Variants in CADM2 observed in about 807,000 individuals in gnomAD.
CADM2 encodes the protein cell adhesion molecule 2.
A neutral mutation model predicts 49.8 loss-of-function variants in CADM2; 12 were observed. The ratio of observed to expected loss-of-function variants is 0.24; its 90% CI spans 0.15 to 0.39. The LOEUF (loss-of-function observed/expected upper bound fraction) is 0.39. CADM2 is among the 10% of genes least tolerant of loss of function. The pLI, the probability that CADM2 is intolerant of heterozygous loss-of-function variation, is 1.00. For missense variants in CADM2, 378 were observed against 492.3 expected, an observed-to-expected ratio of 0.77 and a Z score of 2.20; for synonymous variants, 214 against 175.4, an observed-to-expected ratio of 1.22 and a Z score of -1.74.
At chr3:85,966,059 G>A (rs909723613) in intron 8 of CADM2, among the ~76,000 whole-genome samples, 28 of 151,616 alleles carry the variant, frequency 1.8e-4, no homozygotes, top group African/African-American at 6.8e-4. Flanking sequence ...AAACTCATTA[G>A]AGAAATTAAT....
At chr3:85,733,178 T>G (rs2068004692) in intron 2 of CADM2, among the ~76,000 whole-genome samples, 1 of 152,150 alleles carries the variant, frequency 6.6e-6, no homozygotes, top group African/African-American at 2.4e-5. Flanking sequence ...TATTCCCTCT[T>G]GGGAAAGTGA....
At chr3:85,856,832 C>G (rs1019771651) in intron 3 of CADM2, among the ~76,000 whole-genome samples, 6 of 92,578 alleles carry the variant, frequency 6.5e-5, no homozygotes, top group African/African-American at 2.2e-4. Context: ...AGAGTCACTG[C>G]TTAGGAAATT....
intron 8 of CADM2, among the ~76,000 whole-genome samples, chr3:86,028,452 TA>T (rs1048698429): frequency 3.3e-5 from 5 of 152,052 alleles, no homozygotes; most frequent in Non-Finnish European, 7.4e-5. Context: ...CCAAGAACCA[TA>T]AAAAAAGTGT....
chr3:85,543,114 T>C (rs2061581676), intron 1 of CADM2, among the ~76,000 whole-genome samples: 1 of 152,196 alleles, frequency 6.6e-6, no homozygotes, highest in African/African-American at 2.4e-5. Flanking sequence ...ATTCATTCTT[T>C]TGAAAGGCAG....
Position 85,346,727 on chromosome 3 carries a change from C to T in CADM2, c.62-379795C>T, listed in dbSNP as rs533107979. 5.9e-5 allele frequency among the ~76,000 whole-genome samples: 9 copies of T among 152,112 alleles called. No individual in the cohort carries two copies. In the South Asian group the frequency reaches 8.3e-4, roughly 14 times the overall value. The stretch of plus-strand genomic sequence containing the variant: ...AACTTTAAAAATATACATAAAAATA[C>T]GAAATGTAATTTGTTTTTCTAACCT... On this transcript the variant is annotated intron_variant, in intron 1 of 9. Coordinates refer to ENST00000383699, the MANE Select transcript of CADM2 (RefSeq NM_001167675.2).
intron 1 of CADM2, among the ~76,000 whole-genome samples, chr3:85,094,681 C>T (rs72905213): frequency 0.026 from 3,904 of 152,170 alleles, 152 homozygotes; most frequent in African/African-American, 0.087. Flanking sequence ...CATTATGAAA[C>T]GCATGTTTTG....
chr3:86,009,552 A>T (rs921654628), intron 8 of CADM2, among the ~76,000 whole-genome samples: 2 of 151,854 alleles, frequency 1.3e-5, no homozygotes, highest in African/African-American at 4.8e-5. Context: ...GTTATATAAC[A>T]TATTTTGTAG....
chr3:85,279,141 T>C (rs1320356486), intron 1 of CADM2, among the ~76,000 whole-genome samples: 1 of 151,560 alleles, frequency 6.6e-6, no homozygotes, highest in Non-Finnish European at 1.5e-5. Flanking sequence ...CAAAGTGGCA[T>C]GCATGCAGCT....
chr3:85,895,175 A>G (rs368336973), intron 5 of CADM2, among the ~76,000 whole-genome samples: 1 of 152,154 alleles, frequency 6.6e-6, no homozygotes, highest in South Asian at 2.1e-4. Flanking sequence ...TGTACCCTAC[A>G]TATCCATCTG....
intron 3 of CADM2, among the ~76,000 whole-genome samples, chr3:85,822,546 T>G (rs2073650694): frequency 6.6e-6 from 1 of 152,150 alleles, no homozygotes; most frequent in Non-Finnish European, 1.5e-5. Context: ...ATCACGCTAC[T>G]GCACTCCAGC....
At chr3:85,160,868 C>T (rs1376443168) in intron 1 of CADM2, among the ~76,000 whole-genome samples, 1 of 152,076 alleles carries the variant, frequency 6.6e-6, no homozygotes, top group Non-Finnish European at 1.5e-5. Flanking sequence ...TACTTCTGTC[C>T]TGAATTTAAA....
intron 1 of CADM2, among the ~76,000 whole-genome samples, chr3:85,136,325 G>A (rs934355537): frequency 7.1e-6 from 1 of 140,808 alleles, no homozygotes; most frequent in African/African-American, 2.6e-5. Flanking sequence ...TAGCAATTAG[G>A]TACTGAGTAA....
chr3:85,311,035 G>C (rs1398529522), intron 1 of CADM2, among the ~76,000 whole-genome samples: 1 of 152,180 alleles, frequency 6.6e-6, no homozygotes, highest in Non-Finnish European at 1.5e-5. Flanking sequence ...AGGCAGAGCT[G>C]TCAGCAGGCA....
chr3:85,064,393 A>T (rs986163030), intron 1 of CADM2, among the ~76,000 whole-genome samples: 1 of 152,204 alleles, frequency 6.6e-6, no homozygotes, highest in Non-Finnish European at 1.5e-5. Flanking sequence ...TAAATAATCT[A>T]CTTTTCCCTT....
At chr3:85,664,572 C>T (rs1404318858) in intron 1 of CADM2, among the ~76,000 whole-genome samples, 1 of 151,990 alleles carries the variant, frequency 6.6e-6, no homozygotes, top group African/African-American at 2.4e-5. Context: ...TGCAACTAAC[C>T]TGGCTTAAGC....
intron 8 of CADM2, among the ~76,000 whole-genome samples, chr3:86,064,141 C>T (rs7650420): frequency 4.0e-5 from 6 of 151,636 alleles, no homozygotes; most frequent in Non-Finnish European, 1.5e-5. Flanking sequence ...GTGCCATGTT[C>T]GTGTGCTGCC....
At chr3:85,711,091 T>C (rs964436813) in intron 1 of CADM2, among the ~76,000 whole-genome samples, 11 of 152,186 alleles carry the variant, frequency 7.2e-5, no homozygotes. Context: ...TTTCTTAACA[T>C]GTTTATTAGT....
chr3:85,266,947 A>G (rs1295349116), intron 1 of CADM2, among the ~76,000 whole-genome samples: 1 of 151,802 alleles, frequency 6.6e-6, no homozygotes, highest in Non-Finnish European at 1.5e-5. Flanking sequence ...AAATCTTCCA[A>G]TGTATTAGAG....
chr3:86,060,991 A>AATAATAATG (rs1434888470), intron 8 of CADM2, among the ~76,000 whole-genome samples: 4 of 151,024 alleles, frequency 2.6e-5, no homozygotes, highest in Admixed American at 6.6e-5. Context: ...CAATAATAAT[A>AATAATAATG]ATAATAATAA....
Sources: gnomAD v4.1 joint callset for allele counts (sites outside exome capture counted in the v4.1 genomes callset) on GRCh38, gnomAD v4.1.1 for gene constraint, MANE v1.5 for transcripts, NCBI Gene and HGNC (gene_info 2026-07-23, HGNC 2026-07-21) for gene names.